CCDC7: variants seen among roughly 807,000 people sequenced by gnomAD.
CCDC7 encodes coiled-coil domain-containing protein 7.
In CCDC7, 183 loss-of-function variants were observed where a neutral mutation model predicts 196.9. The ratio of observed to expected loss-of-function variants is 0.93; its 90% CI spans 0.82 to 1.05. CCDC7 has a LOEUF of 1.05. CCDC7 is among the 50% of genes least tolerant of loss of function. The pLI is 0.00. For synonymous variants in CCDC7, 525 were observed against 484.6 expected (o/e 1.08, Z -1.10); for missense variants, 1,540 against 1,482.2 (o/e 1.04, Z -0.64).
At chr10:32,830,172 A>ATATAT (rs1565641888) in intron 32 of CCDC7, among the ~76,000 whole-genome samples, 1 of 120,024 alleles carries the variant, frequency 8.3e-6, no homozygotes, top group Non-Finnish European at 1.7e-5. Flanking sequence ...AGAGAACCCT[A>ATATAT]ATACATGTGT....
chr10:32,788,997 C>CT (rs2082279495), intron 29 of CCDC7, among the ~76,000 whole-genome samples: 1 of 152,122 alleles, frequency 6.6e-6, no homozygotes, highest in African/African-American at 2.4e-5. Flanking sequence ...CTCATCCAGC[C>CT]ACTAGGCCAG....
At chr10:32,689,385 T>C (rs1403442170) in intron 23 of CCDC7, among the ~76,000 whole-genome samples, 1 of 152,206 alleles carries the variant, frequency 6.6e-6, no homozygotes, top group Non-Finnish European at 1.5e-5. Context: ...CAAGGCTTTA[T>C]AACAAATGTA....
chr10:32,708,849 A>G (rs2080287183), intron 24 of CCDC7, among the ~76,000 whole-genome samples: 1 of 152,230 alleles, frequency 6.6e-6, no homozygotes, highest in African/African-American at 2.4e-5. Context: ...GTGGAGAAAT[A>G]GGAACACTTT....
chr10:32,727,724 T>C (rs2083337206), intron 26 of CCDC7, among the ~76,000 whole-genome samples: 1 of 152,190 alleles, frequency 6.6e-6, no homozygotes, highest in Non-Finnish European at 1.5e-5. Context: ...CTGGTCAGTC[T>C]TTTTCTACCT....
At chr10:32,661,682 A>G (rs1591391) in intron 20 of CCDC7, among the ~76,000 whole-genome samples, 21,794 of 152,134 alleles carry the variant, frequency 0.14, 1,901 homozygotes, top group African/African-American at 0.25. Flanking sequence ...TCCAGGAACT[A>G]AGGCCTGGAA....
intron 25 of CCDC7, among the ~76,000 whole-genome samples, chr10:32,715,173 C>T (rs573460532): frequency 1.3e-5 from 2 of 152,198 alleles, no homozygotes; most frequent in Admixed American, 6.5e-5. Context: ...GGCCGGTGCC[C>T]CTCTGGGACA....
intron 18 of CCDC7, among the ~76,000 whole-genome samples, chr10:32,625,371 TTTA>T (rs772267135): frequency 2.0e-5 from 3 of 151,738 alleles, no homozygotes; most frequent in African/African-American, 7.2e-5. Flanking sequence ...ATGTGTCTGT[TTTA>T]TTATTATTAT....
chr10:32,852,483 A>T (rs1228595185), intron 40 of CCDC7, among the ~76,000 whole-genome samples: 1 of 151,952 alleles, frequency 6.6e-6, no homozygotes, highest in Non-Finnish European at 1.5e-5. Flanking sequence ...TTGAGTTTGA[A>T]TTTTTTTTAT....
chr10:32,844,632 A>G lies in CCDC7; in HGVS notation c.3353-611A>G, dbSNP rs1275434829. ...ATCATAAACTTTCTAGGATAATTTTAATTTGCATAAGAGATGCATTATATG... is the reference window on the plus strand; with the variant it reads ...ATCATAAACTTTCTAGGATAATTTTGATTTGCATAAGAGATGCATTATATG... On this transcript the variant is annotated intron_variant, in intron 33 of 41. Transcript: ENST00000639629. 3.3e-5 allele frequency among the ~76,000 whole-genome samples: 5 copies of G among 151,978 alleles called. No individual in the cohort carries two copies. In the East Asian group the frequency reaches 9.6e-4, roughly 29 times the overall value.
intron 24 of CCDC7, among the ~76,000 whole-genome samples, chr10:32,698,187 C>T (rs564454310): frequency 6.6e-6 from 1 of 152,244 alleles, no homozygotes; most frequent in East Asian, 1.9e-4. Context: ...CAACAAAACC[C>T]ATTTGTAGGT....
chr10:32,840,843 T>A (rs1032598768), intron 33 of CCDC7, among the ~76,000 whole-genome samples: 1 of 151,890 alleles, frequency 6.6e-6, no homozygotes, highest in African/African-American at 2.4e-5. Flanking sequence ...GCAGGGATGG[T>A]TTAACATATG....
chr10:32,602,199 G>A (rs1217935821), intron 18 of CCDC7, among the ~76,000 whole-genome samples: 1 of 151,874 alleles, frequency 6.6e-6, no homozygotes, highest in Non-Finnish European at 1.5e-5. Context: ...CCACCTTTAA[G>A]AGCTGTTAAC....
At chr10:32,567,390 C>T (rs1292484505) in intron 14 of CCDC7, among the ~76,000 whole-genome samples, 2 of 151,426 alleles carry the variant, frequency 1.3e-5, no homozygotes, top group Non-Finnish European at 2.9e-5. Flanking sequence ...TTTTATTTTG[C>T]TTGTATAATA....
chr10:32,701,090 A>G (rs975687051), intron 24 of CCDC7, among the ~76,000 whole-genome samples: 4 of 152,094 alleles, frequency 2.6e-5, no homozygotes, highest in Non-Finnish European at 5.9e-5. Flanking sequence ...TTCCAACACT[A>G]TGTTGGATAG....
intron 18 of CCDC7, among the ~76,000 whole-genome samples, chr10:32,590,505 TAA>T (rs749540899): frequency 4.6e-5 from 7 of 152,176 alleles, no homozygotes; most frequent in South Asian, 4.1e-4. Context: ...TCTTTCTACT[TAA>T]GAGTATTTTA....
intron 31 of CCDC7, 52 bp downstream of exon 32, chr10:32,814,505 T>C (rs2087940622): frequency 1.5e-6 from 2 of 1,322,870 alleles, no homozygotes; most frequent in Non-Finnish European, 2.2e-6. Flanking sequence ...TTATATTCTC[T>C]GGAGTGTAAC....
chr10:32,845,227 T>G lies in CCDC7; in HGVS notation c.3353-16T>G, dbSNP rs1389490375. 1 of 1,440,436 alleles carries G rather than the reference T, an allele frequency of 6.9e-7. No homozygotes were observed. The highest frequency in any genetic ancestry group is 9.5e-7 in the Non-Finnish European group (1 of 1,052,842). 89.2% of individuals were successfully genotyped at this position (1,440,436 alleles called of 1,614,324 possible). A position where few individuals can be genotyped will look rare whatever the true frequency, so the allele number is the denominator to read the frequency against. On this transcript the variant is annotated splice_polypyrimidine_tract_variant and intron_variant, in intron 33 of 41. Coordinates refer to ENST00000639629, the Ensembl canonical transcript of CCDC7. ...TTACCTTTCAAAATATATTGATATC[T>G]GTTTTATTTATATAGAGACTGATAA...
At chr10:32,617,405 C>CT (rs892646921) in intron 18 of CCDC7, among the ~76,000 whole-genome samples, 49 of 151,742 alleles carry the variant, frequency 3.2e-4, no homozygotes, top group Non-Finnish European at 5.3e-4. Flanking sequence ...GGTCTTTCTA[C>CT]TTTTTTGTTG....
chr10:32,484,100 T>G (rs2040522168), intron 8 of CCDC7, among the ~76,000 whole-genome samples: 1 of 152,224 alleles, frequency 6.6e-6, no homozygotes, highest in African/African-American at 2.4e-5. Context: ...ATGGCCATTT[T>G]CACAATATTG....
Sources: gnomAD v4.1 joint callset for allele counts (sites outside exome capture counted in the v4.1 genomes callset) on GRCh38, gnomAD v4.1.1 for gene constraint, MANE v1.5 for transcripts, NCBI Gene and HGNC (gene_info 2026-07-23, HGNC 2026-07-21) for gene names.